Variants in ASIC2 observed in about 807,000 individuals in gnomAD.
ASIC2 encodes the protein acid-sensing ion channel 2.
In ASIC2, 25 loss-of-function variants were observed where a neutral mutation model predicts 57.3. That is an observed-to-expected ratio of 0.44 (90% CI 0.32 to 0.61). ASIC2 has a LOEUF of 0.61. ASIC2 is among the 20% of genes least tolerant of loss of function. The pLI, the probability that ASIC2 is intolerant of heterozygous loss-of-function variation, is 0.06. For synonymous variants in ASIC2, 319 were observed against 307.5 expected (o/e 1.04, Z -0.39); for missense variants, 641 against 738.1 (o/e 0.87, Z 1.52).
chr17:33,810,820 T>G (rs942611110), intron 1 of ASIC2, among the ~76,000 whole-genome samples: 1 of 151,986 alleles, frequency 6.6e-6, no homozygotes, highest in African/African-American at 2.4e-5. Flanking sequence ...GTGGCACCCT[T>G]AATAGGTCCC....
intron 1 of ASIC2, among the ~76,000 whole-genome samples, chr17:33,200,830 C>T (rs1404947299): frequency 6.6e-6 from 1 of 152,202 alleles, no homozygotes; most frequent in African/African-American, 2.4e-5. Context: ...CTCCATCACC[C>T]TCAGAGTAAT....
chr17:33,498,602 A>G lies in ASIC2; in HGVS notation c.556-386535T>C, dbSNP rs182269371. Among the ~76,000 whole-genome samples, 397 of 143,176 alleles carry G rather than the reference A, an allele frequency of 2.8e-3. 3 individuals are homozygous for G. Among genetic ancestry groups the G allele is most frequent in the African/African-American group, 9.7e-3 (382 of 39,244 alleles). 93.9% of individuals were successfully genotyped at this position (143,176 alleles called of 152,430 possible). A position where few individuals can be genotyped will look rare whatever the true frequency, so the allele number is the denominator to read the frequency against. ...CAGAGGGCCAGGCTTGAATGCACGGAGCTGCTCGGGTGAAGACTCAAGGAG... is the reference window on the plus strand; with the variant it reads ...CAGAGGGCCAGGCTTGAATGCACGGGGCTGCTCGGGTGAAGACTCAAGGAG... On this transcript the variant is annotated intron_variant, in intron 1 of 9. Transcript: ENST00000359872.
chr17:33,605,859 A>G (rs1458843258), intron 1 of ASIC2, among the ~76,000 whole-genome samples: 2 of 152,104 alleles, frequency 1.3e-5, no homozygotes, highest in South Asian at 4.2e-4. Context: ...TGTCTTAGAC[A>G]TAGCACCCTT....
chr17:33,840,743 G>A (rs1381395155), intron 1 of ASIC2, among the ~76,000 whole-genome samples: 1 of 150,978 alleles, frequency 6.6e-6, no homozygotes, highest in Admixed American at 6.6e-5. Context: ...TTTAAATAAA[G>A]ACATGGAATA....
chr17:33,904,163 C>CAAAA lies in ASIC2; in HGVS notation c.555+251811_555+251814dup, dbSNP rs769795292. Among the ~76,000 whole-genome samples the CAAAA allele has an allele frequency of 8.5e-3, 475 of 55,658 alleles. 28 individuals are homozygous for CAAAA. Among genetic ancestry groups the CAAAA allele is most frequent in the African/African-American group, 0.018 (242 of 13,600 alleles). The allele number at this position is 55,658 out of a possible 152,430, so 36.5% of individuals were successfully genotyped here. A position where few individuals can be genotyped will look rare whatever the true frequency, so the allele number is the denominator to read the frequency against. On this transcript the variant is annotated intron_variant, in intron 1 of 9. Coordinates refer to the ASIC2 transcript ENST00000359872. ...GGGCAACAAGAGTGAAACTCCGTCT[C>CAAAA]AAAAAAAAAAAAAAAAAAAAAAAAG... is the stretch of plus-strand genomic sequence containing the variant.
At chr17:33,282,797 C>T (rs9891803) in intron 1 of ASIC2, among the ~76,000 whole-genome samples, 84,883 of 151,982 alleles carry the variant, frequency 0.56, 24,114 homozygotes, top group East Asian at 0.81. Context: ...CTTCTGCTTC[C>T]ACAGTTCCAT....
intron 1 of ASIC2, among the ~76,000 whole-genome samples, chr17:33,347,072 C>A (rs374430): frequency 1.3e-5 from 2 of 151,828 alleles, no homozygotes; most frequent in Admixed American, 1.3e-4. Context: ...GGAAATGATG[C>A]TAGAGGAAAG....
At chr17:33,069,613 A>G (rs1203095295) in intron 3 of ASIC2, among the ~76,000 whole-genome samples, 1 of 151,822 alleles carries the variant, frequency 6.6e-6, no homozygotes, top group African/African-American at 2.4e-5. Context: ...TGGTGATATT[A>G]TTTGTTCTGA....
intron 1 of ASIC2, among the ~76,000 whole-genome samples, chr17:33,417,526 C>T (rs1910890860): frequency 6.6e-6 from 1 of 152,190 alleles, no homozygotes; most frequent in Non-Finnish European, 1.5e-5. Context: ...ATCTTGTCCT[C>T]TTTGAGGCTT....
At chr17:33,265,971 G>T (rs1597657551) in intron 1 of ASIC2, among the ~76,000 whole-genome samples, 2 of 152,240 alleles carry the variant, frequency 1.3e-5, no homozygotes, top group South Asian at 4.2e-4. Flanking sequence ...CCACTCCTCA[G>T]TTCACCTCCT....
intron 1 of ASIC2, among the ~76,000 whole-genome samples, chr17:33,774,561 G>A (rs73984604): frequency 0.081 from 12,283 of 152,228 alleles, 572 homozygotes; most frequent in East Asian, 0.22. Flanking sequence ...GAAGGAGAAA[G>A]GGGGAAAGGA....
chr17:33,672,002 T>TC lies in ASIC2; in HGVS notation c.555+483975_555+483976insG, dbSNP rs201078447. On this transcript the variant is annotated intron_variant, in intron 1 of 9. Coordinates refer to the ASIC2 transcript ENST00000359872. ...AAATTGGAATCACATCAGTTCACTTTTCCCCCCCTATTCATTTGGAGGTTT... is the reference window on the plus strand; with the variant it reads ...AAATTGGAATCACATCAGTTCACTTTCTCCCCCCCTATTCATTTGGAGGTTT... 5.5e-3 allele frequency among the ~76,000 whole-genome samples: 835 copies of TC among 152,272 alleles called. 7 individuals carry two copies. The highest frequency in any genetic ancestry group is 0.019 in the African/African-American group (801 of 41,538).
intron 1 of ASIC2, among the ~76,000 whole-genome samples, chr17:33,803,761 G>A (rs2142147912): frequency 6.6e-6 from 1 of 151,986 alleles, no homozygotes; most frequent in Non-Finnish European, 1.5e-5. Flanking sequence ...ATTCACCAGC[G>A]GTAAGGAAGA....
intron 1 of ASIC2, chr17:34,036,818 G>C (rs1907906152): frequency 6.6e-6 from 1 of 150,618 alleles, no homozygotes; most frequent in Admixed American, 6.7e-5. Flanking sequence ...GGGACTCCAA[G>C]CTGCAGTCTT....
intron 1 of ASIC2, among the ~76,000 whole-genome samples, chr17:33,928,143 C>A (rs531128689): frequency 6.6e-5 from 10 of 152,204 alleles, no homozygotes; most frequent in East Asian, 1.9e-4. Flanking sequence ...TGGAAAAAAA[C>A]CACAATTATT....
chr17:33,232,958 A>G (rs1367991136), intron 1 of ASIC2, among the ~76,000 whole-genome samples: 1 of 152,010 alleles, frequency 6.6e-6, no homozygotes, highest in East Asian at 1.9e-4. Flanking sequence ...CCCACCCCTC[A>G]GGGCAATGTC....
intron 1 of ASIC2, among the ~76,000 whole-genome samples, chr17:33,897,296 T>A (rs1915120989): frequency 6.6e-6 from 1 of 152,196 alleles, no homozygotes; most frequent in Non-Finnish European, 1.5e-5. Context: ...CTCTTGTTGC[T>A]CCTAAAGAAA....
chr17:33,947,082 T>C (rs930412411), intron 1 of ASIC2, among the ~76,000 whole-genome samples: 23 of 152,192 alleles, frequency 1.5e-4, no homozygotes, highest in Non-Finnish European at 1.0e-4. Flanking sequence ...AGAGAGGACA[T>C]GAAATCTGAT....
chr17:33,376,248 T>C (rs994248311), intron 1 of ASIC2, among the ~76,000 whole-genome samples: 1 of 151,874 alleles, frequency 6.6e-6, no homozygotes, highest in Non-Finnish European at 1.5e-5. Flanking sequence ...ACAAATACAA[T>C]AAAGAGTCAG....
Sources: gnomAD v4.1 joint callset for allele counts (sites outside exome capture counted in the v4.1 genomes callset) on GRCh38, gnomAD v4.1.1 for gene constraint, MANE v1.5 for transcripts, NCBI Gene and HGNC (gene_info 2026-07-23, HGNC 2026-07-21) for gene names.